GBE1: variants seen among roughly 807,000 people sequenced by gnomAD.
GBE1 encodes the protein 1,4-alpha-glucan-branching enzyme.
In GBE1, 70 loss-of-function variants were observed where a neutral mutation model predicts 88.8. That is an observed-to-expected ratio of 0.79 (90% CI 0.65 to 0.96). The LOEUF (loss-of-function observed/expected upper bound fraction) is 0.96. Ranked by LOEUF, GBE1 falls within the 40% of genes least tolerant of loss-of-function variation. The pLI, the probability that GBE1 is intolerant of heterozygous loss-of-function variation, is 0.00. For synonymous variants in GBE1, 284 were observed against 300.1 expected (o/e 0.95, Z 0.56); for missense variants, 872 against 871.0 (o/e 1.00, Z -0.01).
At chr3:81,648,803 G>C in intron 5 of GBE1, 53 bp downstream of exon 5, 1 of 1,095,516 alleles carries the variant, frequency 9.1e-7, no homozygotes, top group Non-Finnish European at 1.3e-6. Flanking sequence ...TTTCTAATAA[G>C]AGAACAGACT....
intron 12 of GBE1, among the ~76,000 whole-genome samples, chr3:81,546,313 T>C (rs1023372277): frequency 6.6e-6 from 1 of 151,822 alleles, no homozygotes; most frequent in Non-Finnish European, 1.5e-5. Flanking sequence ...TAGGCAACAG[T>C]CCTGATGAGA....
chr3:81,540,486 G>C (rs1278326288), intron 12 of GBE1, among the ~76,000 whole-genome samples: 1 of 151,960 alleles, frequency 6.6e-6, no homozygotes, highest in Non-Finnish European at 1.5e-5. Flanking sequence ...TCTAGTGCTT[G>C]GTTTCCTCAT....
intron 3 of GBE1, among the ~76,000 whole-genome samples, chr3:81,661,782 A>G (rs879836463): frequency 3.3e-5 from 5 of 152,196 alleles, no homozygotes; most frequent in Non-Finnish European, 7.3e-5. Context: ...TTCCAGTAAC[A>G]AAATGATAGA....
chr3:81,596,212 A>C (rs1703955108), intron 7 of GBE1, among the ~76,000 whole-genome samples: 1 of 152,004 alleles, frequency 6.6e-6, no homozygotes, highest in South Asian at 2.1e-4. Flanking sequence ...GAAAAAGCCA[A>C]ATATAAAATT....
intron 7 of GBE1, among the ~76,000 whole-genome samples, chr3:81,636,582 G>A (rs1466093337): frequency 6.6e-6 from 1 of 151,048 alleles, no homozygotes; most frequent in Non-Finnish European, 1.5e-5. Flanking sequence ...CCAGGCTGGA[G>A]TGCAATGGCG....
chr3:81,535,304 C>T lies in GBE1; in HGVS notation c.1825G>A (p.Glu609Lys), dbSNP rs772802187. The T allele has an allele frequency of 4.5e-5, 73 of 1,609,352 alleles. 1 individual carries two copies. The East Asian group carries it at 1.1e-3, about 25-fold the overall frequency. The change falls in exon 14 of 16, where the codon GAA (glutamate) becomes AAA (lysine). Residue 609 changes from glutamate to lysine, a missense_variant. Glu to Lys is a moderately conservative substitution (Grantham distance 56). Transcript: ENST00000429644. ...TCAAAAGCAATGATCTTATTGCCTT[C>T]ATGTTTTTCACTCACGTAGGCCTGC... ...APQAYVSEKH[E>K]GNKIIAFERA...
chr3:81,651,422 T>C (rs1704849852), intron 3 of GBE1, among the ~76,000 whole-genome samples: 1 of 152,158 alleles, frequency 6.6e-6, no homozygotes, highest in Admixed American at 6.6e-5. Context: ...GAAAGGAATG[T>C]CTAAGTTACA....
intron 12 of GBE1, among the ~76,000 whole-genome samples, chr3:81,553,019 C>T (rs1266967389): frequency 6.6e-6 from 1 of 152,140 alleles, no homozygotes; most frequent in Non-Finnish European, 1.5e-5. Context: ...ACTTAGATGT[C>T]TCTGCGTACT....
chr3:81,760,507 A>G (rs527622407), intron 1 of GBE1, among the ~76,000 whole-genome samples: 51 of 152,348 alleles, frequency 3.3e-4, no homozygotes, highest in Non-Finnish European at 6.0e-4. Flanking sequence ...CTAAAAGGGG[A>G]GAAACTATTA....
intron 12 of GBE1, among the ~76,000 whole-genome samples, chr3:81,548,315 G>T (rs1205842126): frequency 6.6e-6 from 1 of 151,478 alleles, no homozygotes; most frequent in Non-Finnish European, 1.5e-5. Flanking sequence ...ACATGTCAAT[G>T]AGTTTTATTA....
chr3:81,515,397 G>A (rs1165323134), intron 14 of GBE1, among the ~76,000 whole-genome samples: 2 of 150,896 alleles, frequency 1.3e-5, no homozygotes, highest in Non-Finnish European at 3.0e-5. Context: ...TAATTGTTTT[G>A]GGGCACCACA....
At chr3:81,554,482 A>T (rs2106900071) in intron 12 of GBE1, among the ~76,000 whole-genome samples, 1 of 152,296 alleles carries the variant, frequency 6.6e-6, no homozygotes, top group African/African-American at 2.4e-5. Context: ...AGTAGTGAAG[A>T]CAGACTGTGC....
In GBE1 at chr3:81,555,731, T is replaced by C. The variant is rs150914767; in HGVS notation, c.1619-18636A>G. Among the ~76,000 whole-genome samples the C allele has an allele frequency of 2.8e-3, 432 of 152,282 alleles. 1 individual carries two copies. Among genetic ancestry groups the C allele is most frequent in the South Asian group, 5.6e-3 (27 of 4,826 alleles). ...GTTCTTTGACTTGCAAAGCCTGATT[T>C]TGCCTACAGAAATTCTGTCCATTCT... On this transcript the variant is annotated intron_variant, in intron 12 of 15. Coordinates refer to ENST00000429644, the MANE Select transcript of GBE1 (RefSeq NM_000158.4).
At chr3:81,576,689 C>T (rs988440508) in intron 12 of GBE1, among the ~76,000 whole-genome samples, 16 of 152,010 alleles carry the variant, frequency 1.1e-4, no homozygotes, top group Admixed American at 6.6e-4. Context: ...GGGAACTTGA[C>T]CTGATACCTG....
At chr3:81,749,307 A>G (rs1416094740) in intron 1 of GBE1, among the ~76,000 whole-genome samples, 1 of 152,096 alleles carries the variant, frequency 6.6e-6, no homozygotes. Context: ...ACGTGGAGAG[A>G]TCTCAAGGGA....
At chr3:81,715,736 C>T (rs1177358787) in intron 1 of GBE1, among the ~76,000 whole-genome samples, 1 of 152,012 alleles carries the variant, frequency 6.6e-6, no homozygotes, top group East Asian at 1.9e-4. Context: ...TCTGCTTCCT[C>T]ATTTATAAAA....
At chr3:81,526,960 C>T (rs914800000) in intron 14 of GBE1, among the ~76,000 whole-genome samples, 1 of 152,136 alleles carries the variant, frequency 6.6e-6, no homozygotes, top group African/African-American at 2.4e-5. Context: ...CGCTACCTGA[C>T]TTCAAACTAT....
At chr3:81,723,303 A>G (rs1411650323) in intron 1 of GBE1, among the ~76,000 whole-genome samples, 3 of 145,872 alleles carry the variant, frequency 2.1e-5, no homozygotes, top group Admixed American at 7.0e-5. Flanking sequence ...GGGTTTCACC[A>G]TGTTAGCCAG....
intron 7 of GBE1, among the ~76,000 whole-genome samples, chr3:81,618,877 C>G (rs1203776014): frequency 6.6e-6 from 1 of 152,070 alleles, no homozygotes; most frequent in Non-Finnish European, 1.5e-5. Context: ...TAAATCTACT[C>G]ATCAGTCATT....
Sources: gnomAD v4.1 joint callset for allele counts (sites outside exome capture counted in the v4.1 genomes callset) on GRCh38, gnomAD v4.1.1 for gene constraint, MANE v1.5 for transcripts, NCBI Gene and HGNC (gene_info 2026-07-23, HGNC 2026-07-21) for gene names.